The following SNRPB2 variants were observed in gnomAD, a reference collection of about 807,000 sequenced individuals.
SNRPB2 encodes the protein small nuclear ribonucleoprotein polypeptide B2.
In SNRPB2, 16 loss-of-function variants were observed where a neutral mutation model predicts 26.3. The observed-to-expected ratio is 0.61, with a 90% CI of 0.41 to 0.92. The LOEUF (loss-of-function observed/expected upper bound fraction) is 0.92. Ranked by LOEUF, SNRPB2 falls within the 40% of genes least tolerant of loss-of-function variation. The pLI is 0.00. For synonymous variants in SNRPB2, 75 were observed against 89.0 expected, an observed-to-expected ratio of 0.84 and a Z score of 0.88; for missense variants, 179 against 268.1, an observed-to-expected ratio of 0.67 and a Z score of 2.32.
At chr20:16,734,604 G>T (rs2072413273) in intron 3 of SNRPB2, among the ~76,000 whole-genome samples, 1 of 152,140 alleles carries the variant, frequency 6.6e-6, no homozygotes, top group Non-Finnish European at 1.5e-5. Context: ...TCTCAACCCT[G>T]TCACTTTGGA....
At chr20:16,730,960 CTAGAATTCATT>C (rs1032042114) in intron 1 of SNRPB2, 4 of 152,218 alleles carry the variant, frequency 2.6e-5, no homozygotes, top group African/African-American at 9.7e-5. Context: ...CAGAACTGTG[CTAGAATTCATT>C]TAGTCTTCTG....
intron 3 of SNRPB2, among the ~76,000 whole-genome samples, chr20:16,734,260 G>A (rs904017250): frequency 1.3e-5 from 2 of 152,260 alleles, no homozygotes; most frequent in Middle Eastern, 6.8e-3. Flanking sequence ...CTACAGAAAG[G>A]TAACAGATAC....
chr20:16,738,163 C>T (rs537812977), intron 4 of SNRPB2, among the ~76,000 whole-genome samples: 11 of 151,590 alleles, frequency 7.3e-5, no homozygotes, highest in East Asian at 5.9e-4. Flanking sequence ...AACTGCTTGG[C>T]GCCATGGTGG....
chr20:16,738,173 G>T (rs936226464), intron 4 of SNRPB2, among the ~76,000 whole-genome samples: 1 of 152,022 alleles, frequency 6.6e-6, no homozygotes, highest in Non-Finnish European at 1.5e-5. Flanking sequence ...CGCCATGGTG[G>T]CTCATGCCTA....
At chr20:16,739,898 A>G (rs1248144494) in intron 5 of SNRPB2, among the ~76,000 whole-genome samples, 3 of 145,320 alleles carry the variant, frequency 2.1e-5, no homozygotes, top group East Asian at 4.0e-4. Flanking sequence ...TAATCTTTCT[A>G]GTTCCAATTT....
At position 16,731,684 on chromosome 20, in the gene SNRPB2, T is replaced by C; in HGVS notation, c.-19T>C. On this transcript the variant is annotated 5_prime_UTR_variant, in exon 2 of 7. Transcript: ENST00000246071. ...TTATAACAGATTTTTTACTGTCTCC[T>C]GAAGAATTTAACACAAACATGGATA... 6.2e-7 allele frequency: 1 copy of C among 1,611,368 alleles called. No individual in the cohort carries two copies. The highest frequency in any genetic ancestry group is 8.5e-7 in the Non-Finnish European group (1 of 1,178,422).
chr20:16,731,855 T>A, intron 2 of SNRPB2, 89 bp downstream of exon 2: 1 of 1,564,474 alleles, frequency 6.4e-7, no homozygotes, highest in Non-Finnish European at 8.7e-7. Flanking sequence ...ACCTCTTACC[T>A]CATCATCTTA....
At chr20:16,732,921 G>A (rs961823655) in intron 3 of SNRPB2, among the ~76,000 whole-genome samples, 2 of 152,220 alleles carry the variant, frequency 1.3e-5, no homozygotes, top group South Asian at 4.1e-4. Flanking sequence ...CAGAAAGGAA[G>A]TGGGAAACTC....
intron 2 of SNRPB2, 27 bp downstream of exon 2, chr20:16,731,793 A>G: frequency 6.2e-7 from 1 of 1,610,896 alleles, no homozygotes; most frequent in Non-Finnish European, 8.5e-7. Context: ...ATACTTGTTC[A>G]CTACTAAAAT....
rs775689768 is a variant in SNRPB2, at chr20:16,737,373, C to T, written c.350C>T (p.Ala117Val). 1 of 1,592,122 alleles carries T rather than the reference C, an allele frequency of 6.3e-7. No homozygotes were observed. Among genetic ancestry groups the T allele is most frequent in the Non-Finnish European group, 8.5e-7 (1 of 1,174,720 alleles). Residue 117 changes from alanine (A) to valine (V), a missense_variant, in exon 4 of 7, where the codon GCA (alanine) becomes GTA (valine). By Grantham distance (64) the Ala-to-Val change is moderately conservative. Transcript: ENST00000246071. ...KKKAKTVEQT[A>V]TTTNKKPGQG... ...AAAGCCAAAACTGTGGAACAGACTGCAACAACCACAAACAAAAAGCCTGGC... is the reference window on the plus strand; with the variant it reads ...AAAGCCAAAACTGTGGAACAGACTGTAACAACCACAAACAAAAAGCCTGGC...
intron 5 of SNRPB2, among the ~76,000 whole-genome samples, chr20:16,739,770 T>C (rs1167934452): frequency 6.6e-6 from 1 of 152,164 alleles, no homozygotes; most frequent in Non-Finnish European, 1.5e-5. Flanking sequence ...AAATGAGTAA[T>C]ATCTAATAAA....
At position 16,742,138 on chromosome 20, in the gene SNRPB2, A is replaced by T. The variant is rs2072466941; in HGVS notation, c.*1133A>T. 6.6e-6 allele frequency: 1 copy of T among 152,172 alleles called. No individual in the cohort carries two copies. The highest frequency in any genetic ancestry group is 1.5e-5 in the Non-Finnish European group (1 of 68,032). 9.4% of individuals were successfully genotyped at this position (152,172 alleles called of 1,614,324 possible). A position where few individuals can be genotyped will look rare whatever the true frequency, so the allele number is the denominator to read the frequency against. On this transcript the variant is annotated 3_prime_UTR_variant, in exon 7 of 7. Coordinates refer to ENST00000246071, the MANE Select transcript of SNRPB2 (RefSeq NM_003092.5). ...AAAAAATGTTTCCTATAACTTTGTC[A>T]CAGTTAGTCTGACTCTTCTGAATAA... is the stretch of plus-strand genomic sequence containing the variant.
chr20:16,737,863 C>T (rs909952220), intron 4 of SNRPB2, among the ~76,000 whole-genome samples: 4 of 151,374 alleles, frequency 2.6e-5, no homozygotes, highest in African/African-American at 7.3e-5. Context: ...GGTGAAACCC[C>T]GTCTCTACTA....
At chr20:16,737,849 A>G (rs546256089) in intron 4 of SNRPB2, among the ~76,000 whole-genome samples, 21 of 152,010 alleles carry the variant, frequency 1.4e-4, no homozygotes, top group African/African-American at 4.8e-4. Flanking sequence ...ATCCTGGCTA[A>G]CACGGTGAAA....
In SNRPB2 at chr20:16,741,316, T is replaced by C. The variant is rs2072461174; in HGVS notation, c.*311T>C. 5.5e-6 allele frequency: 1 copy of C among 183,370 alleles called. No individual in the cohort carries two copies. The highest frequency in any genetic ancestry group is 1.1e-5 in the Non-Finnish European group (1 of 88,598). 11.4% of individuals were successfully genotyped at this position (183,370 alleles called of 1,614,324 possible). On this transcript the variant is annotated 3_prime_UTR_variant, in exon 7 of 7. Transcript: ENST00000246071. ...TATAAACTTGTGTAATAGGATGCTT[T>C]TCTAGTGTTACTTTGGAGGAGCTAA...
intron 3 of SNRPB2, among the ~76,000 whole-genome samples, chr20:16,734,107 C>T (rs1238887792): frequency 3.3e-5 from 5 of 152,142 alleles, no homozygotes; most frequent in Non-Finnish European, 5.9e-5. Flanking sequence ...TTGCATGTGT[C>T]TGTTACTCAG....
chr20:16,732,449 G>T (rs978378392), intron 3 of SNRPB2, 113 bp downstream of exon 3: 1 of 631,564 alleles, frequency 1.6e-6, no homozygotes, highest in Non-Finnish European at 2.7e-6. Flanking sequence ...TTAATTATGT[G>T]TGTTTGGGTT....
chr20:16,738,777 T>C (rs1242828588), intron 4 of SNRPB2, 75 bp from the exon 5 acceptor site: 2 of 789,424 alleles, frequency 2.5e-6, no homozygotes, highest in East Asian at 5.1e-5. Flanking sequence ...TTTAATGCAG[T>C]AATTATAAAT....
chr20:16,732,487 G>A (rs116206572), intron 3 of SNRPB2, 151 bp downstream of exon 3: 6 of 517,682 alleles, frequency 1.2e-5, no homozygotes, highest in South Asian at 6.4e-5. Flanking sequence ...AAACAGTAGT[G>A]GTAGAGTTTA....
Sources: gnomAD v4.1 joint callset for allele counts (sites outside exome capture counted in the v4.1 genomes callset) on GRCh38, gnomAD v4.1.1 for gene constraint, MANE v1.5 for transcripts, NCBI Gene and HGNC (gene_info 2026-07-23, HGNC 2026-07-21) for gene names.